The following SBF2 variants were observed in gnomAD, a reference collection of about 807,000 sequenced individuals.
The protein encoded by SBF2 is myotubularin-related protein 13.
In SBF2, 112 loss-of-function variants were observed where a neutral mutation model predicts 225.2. That is an observed-to-expected ratio of 0.50 (90% CI 0.43 to 0.58). The LOEUF (loss-of-function observed/expected upper bound fraction) is 0.58. Ranked by LOEUF, SBF2 falls within the 20% of genes least tolerant of loss-of-function variation. SBF2 has a pLI of 0.00. For synonymous variants in SBF2, 763 were observed against 773.3 expected (o/e 0.99, Z 0.22); for missense variants, 1,996 against 2,206.2 (o/e 0.90, Z 1.91).
chr11:10,079,190 G>A (rs375924005), intron 2 of SBF2, among the ~76,000 whole-genome samples: 7 of 152,056 alleles, frequency 4.6e-5, no homozygotes, highest in Admixed American at 1.3e-4. Flanking sequence ...AAGAAACGCC[G>A]TAATTCTATA....
intron 28 of SBF2, among the ~76,000 whole-genome samples, chr11:9,821,016 C>G (rs1024275248): frequency 2.6e-5 from 4 of 152,160 alleles, no homozygotes; most frequent in Non-Finnish European, 5.9e-5. Context: ...GATTACTATA[C>G]CCTCCCTCTT....
intron 1 of SBF2, among the ~76,000 whole-genome samples, chr11:10,289,118 C>T (rs1963993888): frequency 6.6e-6 from 1 of 152,230 alleles, no homozygotes; most frequent in Non-Finnish European, 1.5e-5. Flanking sequence ...CAGCGCTGAC[C>T]TAAGTGTGTA....
intron 1 of SBF2, among the ~76,000 whole-genome samples, chr11:10,284,466 A>G (rs1453902938): frequency 6.6e-6 from 1 of 152,100 alleles, no homozygotes; most frequent in African/African-American, 2.4e-5. Context: ...CTGTGTGTTC[A>G]TTCCATGTAT....
intron 1 of SBF2, among the ~76,000 whole-genome samples, chr11:10,227,758 G>A (rs1332507780): frequency 6.6e-6 from 1 of 152,142 alleles, no homozygotes; most frequent in Non-Finnish European, 1.5e-5. Context: ...GTAGTGTGAT[G>A]CCTCCAGCTT....
At chr11:9,867,048 A>T (rs532157951) in intron 17 of SBF2, among the ~76,000 whole-genome samples, 3 of 152,110 alleles carry the variant, frequency 2.0e-5, no homozygotes, top group Non-Finnish European at 4.4e-5. Context: ...ATAGAATAAG[A>T]CCTAGTATTT....
At chr11:10,194,084 T>C in intron 1 of SBF2, 97 bp from the exon 2 acceptor site, 1 of 869,864 alleles carries the variant, frequency 1.1e-6, no homozygotes, top group Non-Finnish European at 1.9e-6. Context: ...ATTTGGTAAA[T>C]AAGTTAATAA....
At chr11:10,131,512 C>T (rs190651304) in intron 2 of SBF2, among the ~76,000 whole-genome samples, 60 of 152,196 alleles carry the variant, frequency 3.9e-4, no homozygotes, top group Non-Finnish European at 7.3e-5. Flanking sequence ...TGGCTCACTG[C>T]AACCTCCGCC....
intron 16 of SBF2, among the ~76,000 whole-genome samples, chr11:9,926,447 A>G (rs1864062059): frequency 6.6e-6 from 1 of 152,104 alleles, no homozygotes; most frequent in Non-Finnish European, 1.5e-5. Flanking sequence ...CAAAATTCTT[A>G]TATTAGAACA....
chr11:10,198,048 C>T (rs753189948), intron 1 of SBF2, among the ~76,000 whole-genome samples: 1 of 152,142 alleles, frequency 6.6e-6, no homozygotes, highest in Non-Finnish European at 1.5e-5. Context: ...TTCTAAGCTC[C>T]CGGTTAATAG....
intron 1 of SBF2, among the ~76,000 whole-genome samples, chr11:10,272,766 AAAT>A (rs140871661): frequency 6.9e-6 from 1 of 144,384 alleles, no homozygotes; most frequent in Non-Finnish European, 1.5e-5. Context: ...CCTTGTCTTA[AAAT>A]AATAATAATA....
Position 9,850,065 on chromosome 11 carries a change from T to C in SBF2, c.2764A>G (p.Thr922Ala). The C allele has an allele frequency of 6.2e-7, 1 of 1,614,138 alleles. No individual in the cohort carries two copies. The highest frequency in any genetic ancestry group is 2.2e-5 in the East Asian group (1 of 44,880). ...LPAEGALFLT[T>A]YRILFRGTPH... ...GTTCCTCTGAAGAGAATTCTGTATGTGGTGAGGAACAAGGCTCCTTCTGCT... is the reference window on the plus strand; with the variant it reads ...GTTCCTCTGAAGAGAATTCTGTATGCGGTGAGGAACAAGGCTCCTTCTGCT... The change falls in exon 22 of 40, where the codon ACA becomes GCA. Residue 922 changes from threonine (T) to alanine (A), a missense_variant. By Grantham distance (58) the Thr-to-Ala change is moderately conservative. Transcript: ENST00000256190.
At chr11:10,009,418 C>A (rs1050554457) in intron 6 of SBF2, among the ~76,000 whole-genome samples, 14 of 151,994 alleles carry the variant, frequency 9.2e-5, no homozygotes, top group African/African-American at 3.4e-4. Flanking sequence ...ACCCTCCCCA[C>A]CCCCTGACAG....
intron 25 of SBF2, 70 bp from the exon 26 acceptor site, chr11:9,839,766 T>C (rs1363379242): frequency 2.1e-6 from 3 of 1,418,890 alleles, no homozygotes; most frequent in Admixed American, 1.7e-5. Context: ...GGGTAGTACC[T>C]GTGGGGAGCT....
At chr11:9,820,427 A>G (rs1014973341) in intron 28 of SBF2, among the ~76,000 whole-genome samples, 7 of 152,222 alleles carry the variant, frequency 4.6e-5, no homozygotes, top group Admixed American at 3.3e-4. Context: ...GCCAAGGCAC[A>G]CTGTGTGGCC....
At chr11:10,276,569 A>G (rs1006883655) in intron 1 of SBF2, among the ~76,000 whole-genome samples, 5 of 152,352 alleles carry the variant, frequency 3.3e-5, no homozygotes, top group Non-Finnish European at 7.3e-5. Context: ...ATGTATTTAT[A>G]GACAAAAGTT....
intron 2 of SBF2, among the ~76,000 whole-genome samples, chr11:10,145,156 A>G (rs777557144): frequency 2.0e-5 from 3 of 152,168 alleles, no homozygotes; most frequent in Non-Finnish European, 4.4e-5. Context: ...AAGATGATGC[A>G]ACAGTTTGAG....
intron 16 of SBF2, among the ~76,000 whole-genome samples, chr11:9,939,166 G>C (rs943408459): frequency 5.3e-5 from 8 of 152,072 alleles, no homozygotes; most frequent in African/African-American, 1.9e-4. Flanking sequence ...TGCGATCTCG[G>C]CTCACTGCAA....
chr11:9,996,546 C>T (rs375521084), intron 9 of SBF2, among the ~76,000 whole-genome samples: 16 of 152,080 alleles, frequency 1.1e-4, no homozygotes, highest in African/African-American at 3.4e-4. Flanking sequence ...TGCGCCACCA[C>T]GCCCAGCTAA....
chr11:10,173,266 G>A lies in SBF2; in HGVS notation c.141+20636C>T, dbSNP rs1428636004. ...TGAGGTACCGGGTTCATCTCACTAG[G>A]GAGTGCCAGACAGTGGGCACAGGTC... On this transcript the variant is annotated intron_variant, in intron 2 of 39. Coordinates refer to ENST00000256190, the MANE Select transcript of SBF2 (RefSeq NM_030962.4). 2.6e-5 allele frequency among the ~76,000 whole-genome samples: 4 copies of A among 152,204 alleles called. No homozygotes were observed. In the East Asian group the frequency reaches 5.8e-4, roughly 22 times the overall value.
Sources: allele counts gnomAD v4.1 joint callset (sites outside exome capture counted in the v4.1 genomes callset), GRCh38; gene constraint gnomAD v4.1.1; transcripts MANE v1.5; gene names NCBI Gene and HGNC (gene_info 2026-07-23, HGNC 2026-07-21).